SGSM2: variants seen among roughly 807,000 people sequenced by gnomAD.
SGSM2 encodes the protein RUN and TBC1 domain containing 1.
SGSM2 carries 89 observed loss-of-function variants against 126.6 expected under a neutral mutation model. The observed-to-expected ratio is 0.70, with a 90% CI of 0.59 to 0.84. The LOEUF (loss-of-function observed/expected upper bound fraction) is 0.84. Ranked by LOEUF, SGSM2 falls within the 40% of genes least tolerant of loss-of-function variation. The pLI, the probability that SGSM2 is intolerant of heterozygous loss-of-function variation, is 0.00. For synonymous variants in SGSM2, 614 were observed against 574.3 expected (o/e 1.07, Z -0.99); for missense variants, 1,404 against 1,416.6 (o/e 0.99, Z 0.14).
chr17:2,375,491 G>C lies in SGSM2; in HGVS notation c.2101-1G>C. The C allele has an allele frequency of 6.2e-7, 1 of 1,605,446 alleles. No homozygotes were observed. ...GGAGCCGCCCTGTGTTCACCCCCCA[G>C]GTGTTTATCTCAGTGGATGATCTGG... On this transcript the variant is annotated splice_acceptor_variant, in intron 17 of 23. Transcript: ENST00000268989. LOFTEE classifies it high-confidence loss of function.
At chr17:2,354,674 T>A (rs1210170827) in intron 2 of SGSM2, among the ~76,000 whole-genome samples, 1 of 152,234 alleles carries the variant, frequency 6.6e-6, no homozygotes, top group Non-Finnish European at 1.5e-5. Flanking sequence ...GCAGCATTAG[T>A]GGAGAGGGCC....
At chr17:2,358,947 G>A (rs564431787) in intron 2 of SGSM2, among the ~76,000 whole-genome samples, 8 of 144,080 alleles carry the variant, frequency 5.6e-5, no homozygotes, top group South Asian at 2.2e-4. Context: ...GCGCCATCTC[G>A]GCTCACTGCA....
intron 2 of SGSM2, among the ~76,000 whole-genome samples, chr17:2,346,909 C>T (rs552976756): frequency 9.6e-4 from 146 of 152,148 alleles, no homozygotes; most frequent in African/African-American, 3.2e-3. Context: ...GGCAATATTA[C>T]AGGATGCAGT....
rs1364952380 is a variant in SGSM2, at chr17:2,372,226, G to T, written c.1614G>T (p.Arg538Ser). The change falls in exon 14 of 24, where the codon AGG (arginine) becomes AGT (serine). Residue 538 changes from arginine to serine, a missense_variant. Coordinates refer to ENST00000268989, the MANE Select transcript of SGSM2 (RefSeq NM_014853.3). The surrounding 1 kb of genome is among the most constrained non-coding windows in gnomAD (Gnocchi z 6.0). ...GGCTACTGTGTGAGAGTATGAAGAG[G>T]CAGATCGTGTCCCGGGCCTTCTACG... ...PLRLLCESMK[R>S]QIVSRAFYGW... 5 of 1,613,258 alleles carry T rather than the reference G, an allele frequency of 3.1e-6. No individual in the cohort carries two copies. The highest frequency in any genetic ancestry group is 3.4e-6 in the Non-Finnish European group (4 of 1,179,738).
rs757760801 is a variant in SGSM2 at position 2,379,204 on chromosome 17, G to T, written c.3067+1G>T. 6.2e-7 allele frequency: 1 copy of T among 1,614,076 alleles called. No individual in the cohort carries two copies. Among genetic ancestry groups the T allele is most frequent in the South Asian group, 1.1e-5 (1 of 91,074 alleles). ...ACTGACATCATCAAGTTTTTCAATG[G>T]TACGAGCTGGTCCAGCCATCCAGGC... is the stretch of plus-strand genomic sequence containing the variant. On this transcript the variant is annotated splice_donor_variant, in intron 23 of 23. Transcript: ENST00000268989. LOFTEE classifies it high-confidence loss of function.
chr17:2,363,800 AG>A lies in SGSM2; in HGVS notation c.807+205del. The A allele has an allele frequency of 1.1e-6, 1 of 881,722 alleles. No individual in the cohort carries two copies. Among genetic ancestry groups the A allele is most frequent in the Non-Finnish European group, 1.7e-6 (1 of 588,864 alleles). 54.6% of individuals were successfully genotyped at this position (881,722 alleles called of 1,614,324 possible). A position where few individuals can be genotyped will look rare whatever the true frequency, so the allele number is the denominator to read the frequency against. On this transcript the variant is annotated intron_variant, in intron 7 of 23. Coordinates refer to ENST00000268989, the MANE Select transcript of SGSM2 (RefSeq NM_014853.3). This position sits in a 1 kb window ranked among gnomAD's most constrained non-coding sequence, Gnocchi z 4.2. ...GGACAGGAATGGCAGCCAGCAGGCG[AG>A]GGGAGTCCGCAGTGTGGGTATGGCT...
chr17:2,378,010 C>G, intron 22 of SGSM2, 57 bp downstream of exon 22: 1 of 1,119,554 alleles, frequency 8.9e-7, no homozygotes, highest in Non-Finnish European at 1.4e-6. Context: ...GATCCCTCTT[C>G]CCCCAAGCCA....
intron 21 of SGSM2, chr17:2,377,638 G>A: frequency 2.2e-6 from 1 of 455,160 alleles, no homozygotes; most frequent in Non-Finnish European, 4.0e-6. Flanking sequence ...AAATAATGCA[G>A]CTCAGAGAGA....
In SGSM2 at chr17:2,363,694, G is replaced by C; in HGVS notation, c.807+95G>C. On this transcript the variant is annotated intron_variant, in intron 7 of 23. Coordinates refer to ENST00000268989, the MANE Select transcript of SGSM2 (RefSeq NM_014853.3). The surrounding 1 kb of genome is among the most constrained non-coding windows in gnomAD (Gnocchi z 4.2). ...TGGCTATTCCTTTCCTGAGGAGCTT[G>C]ACCAGAGACGGGGGGGAGAATGGCC... is the stretch of plus-strand genomic sequence containing the variant. 1 of 1,510,906 alleles carries C rather than the reference G, an allele frequency of 6.6e-7. No homozygotes were observed. Among genetic ancestry groups the C allele is most frequent in the Non-Finnish European group, 8.9e-7 (1 of 1,118,690 alleles). 93.6% of individuals were successfully genotyped at this position (1,510,906 alleles called of 1,614,324 possible).
rs1282654901 is a variant in SGSM2 at position 2,380,522 on chromosome 17, T to G, written c.*1002T>G. ...GTCCCTGGTGAGAAGCAAGGCTAGC[T>G]CTGCCTTCCACATGCTTCTCAGGAT... On this transcript the variant is annotated 3_prime_UTR_variant, in exon 24 of 24. Coordinates refer to ENST00000268989, the MANE Select transcript of SGSM2 (RefSeq NM_014853.3). The G allele has an allele frequency of 1.7e-6, 1 of 595,918 alleles. No individual in the cohort carries two copies. The highest frequency in any genetic ancestry group is 3.0e-6 in the Non-Finnish European group (1 of 333,812). The allele number at this position is 595,918 out of a possible 1,614,324, so 36.9% of individuals were successfully genotyped here. A position where few individuals can be genotyped will look rare whatever the true frequency, so the allele number is the denominator to read the frequency against.
In SGSM2 at chr17:2,340,726, A is replaced by G. The variant is rs190466119; in HGVS notation, c.58-2819A>G. On this transcript the variant is annotated intron_variant, in intron 1 of 23. Transcript: ENST00000268989. ...CAGCCTTCTGAGTAGCTGGGACTACAGGCGCCTGCCACCACGCCCGGCTAA... is the reference window on the plus strand; with the variant it reads ...CAGCCTTCTGAGTAGCTGGGACTACGGGCGCCTGCCACCACGCCCGGCTAA... Among the ~76,000 whole-genome samples the G allele has an allele frequency of 2.7e-3, 410 of 151,814 alleles. 3 individuals are homozygous for G. Among genetic ancestry groups the G allele is most frequent in the African/African-American group, 9.4e-3 (388 of 41,380 alleles).
rs1450415081 is a variant in SGSM2, at chr17:2,377,946, TAA to T, written c.2893_2894del (p.Lys965GlufsTer6). The T allele has an allele frequency of 6.2e-7, 1 of 1,604,430 alleles. No homozygotes were observed. The highest frequency in any genetic ancestry group is 2.2e-5 in the East Asian group (1 of 44,814). The part of the protein sequence containing the change: ...FCYRWFLLDF[K>X]RELLYEDVFA... ...GTTATCGCTGGTTCCTGCTGGATTT[TAA>T]GAGAGGTAAGAAGTGGGTTGGATCA... On this transcript the variant is annotated frameshift_variant, in exon 22 of 24. Coordinates refer to ENST00000268989, the MANE Select transcript of SGSM2 (RefSeq NM_014853.3). LOFTEE classifies it high-confidence loss of function.
At chr17:2,342,136 G>T (rs1329596588) in intron 1 of SGSM2, among the ~76,000 whole-genome samples, 1 of 152,122 alleles carries the variant, frequency 6.6e-6, no homozygotes, top group Non-Finnish European at 1.5e-5. Flanking sequence ...AACCCAGGCC[G>T]GGTGTGGTGG....
chr17:2,376,494 C>T (rs559592058), intron 19 of SGSM2: 7 of 661,910 alleles, frequency 1.1e-5, no homozygotes, highest in African/African-American at 1.8e-5. Flanking sequence ...CCCTCATCCC[C>T]GCACCCCCGC....
chr17:2,359,973 C>A (rs928482440), intron 2 of SGSM2, among the ~76,000 whole-genome samples: 3 of 152,176 alleles, frequency 2.0e-5, no homozygotes, highest in Non-Finnish European at 4.4e-5. Context: ...GCCTGTATAT[C>A]CCAGGGCCAC....
chr17:2,369,141 AGAGGGCTGGGGAATG>A (rs1317813315), intron 12 of SGSM2, among the ~76,000 whole-genome samples: 1 of 152,110 alleles, frequency 6.6e-6, no homozygotes, highest in Non-Finnish European at 1.5e-5. Context: ...GCGGTTGGGG[AGAGGGCTGGGGAATG>A]GGGGCCCCCC....
chr17:2,373,935 C>T (rs2066005438), intron 17 of SGSM2: 1 of 179,496 alleles, frequency 5.6e-6, no homozygotes, highest in Admixed American at 5.5e-5. Flanking sequence ...CCTCTGACTG[C>T]AGAGGCTTCC....
chr17:2,379,330 G>T (rs745801451), intron 23 of SGSM2, 102 bp from the exon 24 acceptor site: 3 of 1,564,776 alleles, frequency 1.9e-6, no homozygotes, highest in Non-Finnish European at 2.6e-6. Flanking sequence ...GGGATGTCAA[G>T]AATCTAGCAG....
At chr17:2,373,129 CA>C (rs756592458) in intron 16 of SGSM2, 48 bp downstream of exon 16, 4 of 1,602,758 alleles carry the variant, frequency 2.5e-6, no homozygotes, top group Non-Finnish European at 3.4e-6. Context: ...GGAGCTGGGC[CA>C]GGGGACGCCA....
Sources: allele counts gnomAD v4.1 joint callset (sites outside exome capture counted in the v4.1 genomes callset), GRCh38; gene constraint gnomAD v4.1.1; non-coding constraint Gnocchi (gnomAD v3.1); transcripts MANE v1.5; gene names NCBI Gene and HGNC (gene_info 2026-07-23, HGNC 2026-07-21).